Variants in ACSF2 observed in about 807,000 individuals in gnomAD.
ACSF2 encodes acyl-CoA synthetase family member 2.
ACSF2 carries 52 observed loss-of-function variants against 79.3 expected under a neutral mutation model. The observed-to-expected ratio is 0.66, with a 90% CI of 0.53 to 0.83. ACSF2 has a LOEUF of 0.83. Ranked by LOEUF, ACSF2 falls within the 40% of genes least tolerant of loss-of-function variation. The pLI is 0.00. For synonymous variants in ACSF2, 283 were observed against 312.6 expected, an observed-to-expected ratio of 0.91 and a Z score of 1.00; for missense variants, 661 against 803.3, an observed-to-expected ratio of 0.82 and a Z score of 2.14.
At chr17:50,434,683 C>T (rs1049839091) in intron 1 of ACSF2, among the ~76,000 whole-genome samples, 3 of 151,496 alleles carry the variant, frequency 2.0e-5, no homozygotes, top group African/African-American at 7.3e-5. Flanking sequence ...AAAACTCCGT[C>T]TCAAAAAAAT....
At chr17:50,467,246 AG>A (rs1395808949) in intron 10 of ACSF2, among the ~76,000 whole-genome samples, 7 of 152,188 alleles carry the variant, frequency 4.6e-5, no homozygotes, top group African/African-American at 1.7e-4. Context: ...GTGACGGAGG[AG>A]GGCAAAGGGC....
At chr17:50,426,457 C>G in intron 1 of ACSF2, 68 bp downstream of exon 1, 1 of 1,268,470 alleles carries the variant, frequency 7.9e-7, no homozygotes. Flanking sequence ...GAGGTCCCGG[C>G]GAGCTTCGGA....
intron 1 of ACSF2, among the ~76,000 whole-genome samples, chr17:50,438,548 T>G (rs1281136921): frequency 6.6e-6 from 1 of 152,136 alleles, no homozygotes; most frequent in Non-Finnish European, 1.5e-5. Context: ...TTGTGGAATT[T>G]TTTTTTCCAA....
chr17:50,449,217 A>C (rs2031501188), intron 1 of ACSF2, among the ~76,000 whole-genome samples: 1 of 151,430 alleles, frequency 6.6e-6, no homozygotes, highest in Admixed American at 6.6e-5. Flanking sequence ...GGGTTTCATC[A>C]TGTTGCCCAG....
chr17:50,464,781 C>T (rs1164422484), intron 10 of ACSF2: 6 of 302,332 alleles, frequency 2.0e-5, no homozygotes, highest in Non-Finnish European at 3.8e-5. Context: ...GGGGGGGGGT[C>T]TCAGCAACAG....
chr17:50,461,222 C>T lies in ACSF2; in HGVS notation c.325-20C>T, dbSNP rs115680462. The stretch of plus-strand genomic sequence containing the variant: ...CCTGCTTGCCCCCTTTCACCCCTTG[C>T]GCCCCATCTTTTACACTAGGTGGAC... On this transcript the variant is annotated intron_variant, in intron 2 of 15. Coordinates refer to ENST00000300441, the MANE Select transcript of ACSF2 (RefSeq NM_025149.6). 1.9e-3 allele frequency: 3,103 copies of T among 1,614,100 alleles called. 59 individuals carry two copies. The African/African-American group carries it at 0.032, about 17-fold the overall frequency.
rs2033092189 is a variant in ACSF2, at chr17:50,471,005, A to G, written c.1216-23A>G. On this transcript the variant is annotated intron_variant, in intron 10 of 15. Coordinates refer to ENST00000300441, the MANE Select transcript of ACSF2 (RefSeq NM_025149.6). This position sits in a 1 kb window ranked among gnomAD's most constrained non-coding sequence, Gnocchi z 4.1. ...CTCTGCACGTGCTGAGCCCTCTTCAAACACCCTTTCTGGACCCTCTAGGTT... is the reference window on the plus strand; with the variant it reads ...CTCTGCACGTGCTGAGCCCTCTTCAGACACCCTTTCTGGACCCTCTAGGTT... The G allele has an allele frequency of 1.9e-6, 3 of 1,596,896 alleles. No individual in the cohort carries two copies. The highest frequency in any genetic ancestry group is 2.6e-6 in the Non-Finnish European group (3 of 1,164,490).
At chr17:50,458,024 T>A (rs2032115316) in intron 1 of ACSF2, among the ~76,000 whole-genome samples, 1 of 152,112 alleles carries the variant, frequency 6.6e-6, no homozygotes, top group Non-Finnish European at 1.5e-5. Context: ...CTTTGTGAGA[T>A]CCTGAGATGA....
At chr17:50,460,153 C>T in intron 1 of ACSF2, 1 of 455,614 alleles carries the variant, frequency 2.2e-6, no homozygotes, top group Non-Finnish European at 4.4e-6. Context: ...CTTAGGGCCT[C>T]CATCTGCCCT....
rs2231509 is a variant in ACSF2 at position 50,465,499 on chromosome 17, C to T, written c.1215+1205C>T. Reference sequence around the variant, plus strand: ...AAGGTGGGAGTGCTGGGGGGAAGGGCAGTGAACTATGGGGCCAGGATTGAC... The same window carrying T: ...AAGGTGGGAGTGCTGGGGGGAAGGGTAGTGAACTATGGGGCCAGGATTGAC... On this transcript the variant is annotated intron_variant, in intron 10 of 15. Coordinates refer to ENST00000300441, the MANE Select transcript of ACSF2 (RefSeq NM_025149.6). 3 of 1,591,600 alleles carry T rather than the reference C, an allele frequency of 1.9e-6. No individual in the cohort carries two copies. The East Asian group carries it at 6.7e-5, about 36-fold the overall frequency.
At chr17:50,461,436 C>A (rs1021614599) in intron 3 of ACSF2, 66 bp downstream of exon 3, 53 of 1,606,834 alleles carry the variant, frequency 3.3e-5, no homozygotes, top group Non-Finnish European at 4.2e-5. Context: ...GGGAGCCCCT[C>A]AGGCCCTCAG....
chr17:50,445,610 C>A (rs1434799070), intron 1 of ACSF2, among the ~76,000 whole-genome samples: 1 of 152,010 alleles, frequency 6.6e-6, no homozygotes, highest in African/African-American at 2.4e-5. Flanking sequence ...GCCTGGGCAA[C>A]ATAGGGAGAC....
intron 4 of ACSF2, among the ~76,000 whole-genome samples, 166 bp from the exon 5 acceptor site, chr17:50,462,018 G>A (rs549339255): frequency 6.6e-6 from 1 of 151,958 alleles, no homozygotes; most frequent in East Asian, 1.9e-4. Context: ...CTCGGGGCTG[G>A]TACATGTGTG....
chr17:50,451,970 A>G lies in ACSF2; in HGVS notation c.129-8707A>G, dbSNP rs150329398. On this transcript the variant is annotated intron_variant, in intron 1 of 15. Transcript: ENST00000300441. ...TTCCTGGCACTCAGACACTTGGGAT[A>G]AAGCAGTGAACACATTAGTTGCCAA... 4.2e-4 allele frequency among the ~76,000 whole-genome samples: 64 copies of G among 152,346 alleles called. No individual in the cohort carries two copies. In the East Asian group the frequency reaches 0.01, roughly 24 times the overall value.
Position 50,454,085 on chromosome 17 carries a change from A to G in ACSF2, c.129-6592A>G, listed in dbSNP as rs549589129. Among the ~76,000 whole-genome samples, 19 of 151,644 alleles carry G rather than the reference A, an allele frequency of 1.3e-4. No homozygotes were observed. In the South Asian group the frequency reaches 4.0e-3, roughly 32 times the overall value. On this transcript the variant is annotated intron_variant, in intron 1 of 15. Coordinates refer to ENST00000300441, the MANE Select transcript of ACSF2 (RefSeq NM_025149.6). ...GAGGCTGAGGTGGGAGAATCACATGAGCCCGGGAGGTCCAGGCTGCAGTCA... is the reference window on the plus strand; with the variant it reads ...GAGGCTGAGGTGGGAGAATCACATGGGCCCGGGAGGTCCAGGCTGCAGTCA...
chr17:50,461,962 ATCC>A (rs917565182), intron 4 of ACSF2, among the ~76,000 whole-genome samples: 1 of 134,430 alleles, frequency 7.4e-6, no homozygotes, highest in African/African-American at 3.4e-5. Context: ...GCGTGTGTCC[ATCC>A]TCATATGTGA....
rs114776492 is a variant in ACSF2, at chr17:50,462,085, G to A, written c.508-99G>A. The A allele has an allele frequency of 5.5e-4, 518 of 936,196 alleles. 3 individuals carry two copies. The African/African-American group carries it at 7.3e-3, about 13-fold the overall frequency. 58.0% of individuals were successfully genotyped at this position (936,196 alleles called of 1,614,324 possible). ...TGCTGGAGGTGTGTGTGTCAGAAGC[G>A]GGTGCATCTGTATGAGAGCAGCTGA... is the stretch of plus-strand genomic sequence containing the variant. On this transcript the variant is annotated intron_variant, in intron 4 of 15. Transcript: ENST00000300441.
In ACSF2 at chr17:50,468,835, G is replaced by A. The variant is rs747555576; in HGVS notation, c.1216-2193G>A. ...CCATGGCTGGGACGCCTGGGGCCGG[G>A]GCTGGGGGCAGCAGCGGCGGCGGGG... On this transcript the variant is annotated intron_variant, in intron 10 of 15. Transcript: ENST00000300441. 124 of 1,479,234 alleles carry A rather than the reference G, an allele frequency of 8.4e-5. 1 individual carries two copies. The East Asian group carries it at 3.0e-3, about 36-fold the overall frequency. 91.6% of individuals were successfully genotyped at this position (1,479,234 alleles called of 1,614,324 possible).
intron 10 of ACSF2, chr17:50,465,445 G>A (rs1297849674): frequency 4.3e-6 from 7 of 1,613,646 alleles, no homozygotes; most frequent in Non-Finnish European, 5.9e-6. Flanking sequence ...GCCACCTGGA[G>A]AGACAGAAAC....
Sources: allele counts gnomAD v4.1 joint callset (sites outside exome capture counted in the v4.1 genomes callset), GRCh38; gene constraint gnomAD v4.1.1; non-coding constraint Gnocchi (gnomAD v3.1); transcripts MANE v1.5; gene names NCBI Gene and HGNC (gene_info 2026-07-23, HGNC 2026-07-21).